The following NHERF1 variants were observed in gnomAD, a reference collection of about 807,000 sequenced individuals.
NHERF1 encodes the protein Na(+)/H(+) exchange regulatory cofactor NHE-RF1.
At chr17:74,748,833 C>T in the NHERF1 span, 1 of 1,583,598 alleles carries the variant, frequency 6.3e-7, no homozygotes. The surrounding 1 kb of genome is among the most constrained non-coding windows in gnomAD (Gnocchi z 4.3). Flanking sequence ...GCCGCTGACC[C>T]GTCGCAGGGC....
the NHERF1 span, among the ~76,000 whole-genome samples, chr17:74,762,506 G>C: frequency 6.9e-4 from 105 of 152,256 alleles, 1 homozygote; most frequent in East Asian, 0.016. The surrounding 1 kb of genome is among the most constrained non-coding windows in gnomAD (Gnocchi z 4.2). Context: ...CAGGCACACA[G>C]AGTGGGGTGG....
the NHERF1 span, among the ~76,000 whole-genome samples, chr17:74,759,044 G>C: frequency 6.6e-6 from 1 of 152,218 alleles, no homozygotes; most frequent in South Asian, 2.1e-4. Context: ...GAGGAACAAG[G>C]CTGGTCTCCC....
chr17:74,766,399 C>T, the NHERF1 span, among the ~76,000 whole-genome samples: 33 of 152,148 alleles, frequency 2.2e-4, no homozygotes, highest in East Asian at 4.2e-3. Context: ...GACGGGGTTT[C>T]ACCATGTTGG....
At chr17:74,767,355 C>T in the NHERF1 span, among the ~76,000 whole-genome samples, 202 of 152,234 alleles carry the variant, frequency 1.3e-3, no homozygotes, top group Non-Finnish European at 2.2e-3. Flanking sequence ...AGCCCCTCCT[C>T]CCCCCTTCCC....
At chr17:74,768,232 A>G in the NHERF1 span, 1 of 1,612,200 alleles carries the variant, frequency 6.2e-7, no homozygotes, top group African/African-American at 1.3e-5. Context: ...GACACCAGCG[A>G]GGAGGTAGGC....
chr17:74,759,673 A>G, the NHERF1 span, among the ~76,000 whole-genome samples: 2 of 152,240 alleles, frequency 1.3e-5, no homozygotes, highest in Non-Finnish European at 2.9e-5. Context: ...TACCTCCAGC[A>G]GAGGCTGCAG....
the NHERF1 span, chr17:74,762,986 C>G: frequency 5.0e-6 from 1 of 201,722 alleles, no homozygotes; most frequent in Non-Finnish European, 1.0e-5. The surrounding 1 kb of genome is among the most constrained non-coding windows in gnomAD (Gnocchi z 4.2). Flanking sequence ...GAGATCAGCT[C>G]TCCCAAGACT....
the NHERF1 span, among the ~76,000 whole-genome samples, chr17:74,753,046 T>C: frequency 4.6e-5 from 7 of 152,240 alleles, no homozygotes; most frequent in Non-Finnish European, 8.8e-5. Flanking sequence ...CTTTCTTGCC[T>C]GCTAGCAGCT....
chr17:74,754,604 C>T, the NHERF1 span, among the ~76,000 whole-genome samples: 895 of 151,840 alleles, frequency 5.9e-3, 11 homozygotes, highest in Middle Eastern at 0.014. Flanking sequence ...AGTTTCACCA[C>T]GGTGGCCAGG....
the NHERF1 span, chr17:74,748,847 A>G: frequency 6.3e-7 from 1 of 1,591,118 alleles, no homozygotes; most frequent in Non-Finnish European, 8.5e-7. The surrounding 1 kb of genome is among the most constrained non-coding windows in gnomAD (Gnocchi z 4.3). Context: ...GCAGGGCGAG[A>G]TGAGCGCGGA....
the NHERF1 span, chr17:74,767,043 C>T: frequency 1.3e-5 from 20 of 1,487,114 alleles, no homozygotes; most frequent in East Asian, 9.0e-5. Flanking sequence ...TCAGAAGGTG[C>T]TGTGGTTGGT....
chr17:74,765,119 C>G, the NHERF1 span, among the ~76,000 whole-genome samples: 1 of 152,138 alleles, frequency 6.6e-6, no homozygotes, highest in Non-Finnish European at 1.5e-5. Flanking sequence ...TGACCCCAGA[C>G]CTGTCTTCTC....
the NHERF1 span, among the ~76,000 whole-genome samples, chr17:74,764,061 C>G: frequency 6.6e-6 from 1 of 152,256 alleles, no homozygotes; most frequent in African/African-American, 2.4e-5. This position sits in a 1 kb window ranked among gnomAD's most constrained non-coding sequence, Gnocchi z 4.9. Flanking sequence ...CATCACCCTG[C>G]CAAGCCTGGC....
At chr17:74,766,912 A>T in the NHERF1 span, 1 of 1,613,544 alleles carries the variant, frequency 6.2e-7, no homozygotes. Context: ...TTCTGGACTC[A>T]CCTCTGCTCT....
the NHERF1 span, among the ~76,000 whole-genome samples, chr17:74,752,563 G>A: frequency 5.9e-5 from 9 of 151,524 alleles, no homozygotes; most frequent in East Asian, 1.7e-3. Context: ...TCGCAACCTC[G>A]CCTCGCTGCA....
the NHERF1 span, chr17:74,762,170 G>A: frequency 1.2e-6 from 2 of 1,613,888 alleles, no homozygotes; most frequent in Non-Finnish European, 1.7e-6. The surrounding 1 kb of genome is among the most constrained non-coding windows in gnomAD (Gnocchi z 4.2). Context: ...ATCGCATTGT[G>A]GAGGTGATGC....
the NHERF1 span, among the ~76,000 whole-genome samples, chr17:74,758,854 G>C: frequency 6.6e-6 from 1 of 152,170 alleles, no homozygotes; most frequent in Non-Finnish European, 1.5e-5. The surrounding 1 kb of genome is among the most constrained non-coding windows in gnomAD (Gnocchi z 4.3). Flanking sequence ...TCCTCTCAGT[G>C]CTGGGCCTGG....
At chr17:74,767,302 G>T in the NHERF1 span, among the ~76,000 whole-genome samples, 1 of 151,378 alleles carries the variant, frequency 6.6e-6, no homozygotes, top group Non-Finnish European at 1.5e-5. Flanking sequence ...CTGGCCACGG[G>T]CAGCCGGGCC....
At chr17:74,752,525 GAC>G in the NHERF1 span, among the ~76,000 whole-genome samples, 14 of 151,352 alleles carry the variant, frequency 9.2e-5, no homozygotes, top group African/African-American at 3.2e-4. Context: ...TTTTTTTTGA[GAC>G]AGATTCCACC....
Sources: gnomAD v4.1 joint callset for allele counts (sites outside exome capture counted in the v4.1 genomes callset) on GRCh38, gnomAD v4.1.1 for gene constraint, Gnocchi (gnomAD v3.1) non-coding constraint, MANE v1.5 for transcripts, NCBI Gene and HGNC (gene_info 2026-07-23, HGNC 2026-07-21) for gene names.